The following SWAP70 variants were observed in gnomAD, a reference collection of about 807,000 sequenced individuals.
SWAP70 encodes the protein switching B cell complex subunit SWAP70, also known as switch-associated protein 70.
Under a neutral mutation model 80.2 loss-of-function variants are expected in SWAP70, and 34 were observed. The observed-to-expected ratio is 0.42, with a 90% CI of 0.32 to 0.56. The LOEUF (loss-of-function observed/expected upper bound fraction) is 0.56. Among genes scored for constraint, SWAP70 ranks in the 20% least tolerant of loss-of-function variants. SWAP70 has a pLI of 0.09. For synonymous variants in SWAP70, 239 were observed against 238.5 expected (o/e 1.00, Z -0.02); for missense variants, 578 against 690.7 (o/e 0.84, Z 1.83).
intron 3 of SWAP70, among the ~76,000 whole-genome samples, chr11:9,722,052 A>G (rs1489494652): frequency 6.6e-6 from 1 of 152,218 alleles, no homozygotes; most frequent in African/African-American, 2.4e-5. Context: ...TGTTTCATAA[A>G]TGCTTTCTTT....
chr11:9,679,650 A>G (rs1295771227), intron 1 of SWAP70, among the ~76,000 whole-genome samples: 1 of 151,918 alleles, frequency 6.6e-6, no homozygotes, highest in African/African-American at 2.4e-5. Flanking sequence ...TTTGCTTTTT[A>G]TTTTTTATAT....
chr11:9,685,087 G>A (rs1850614719), intron 1 of SWAP70, among the ~76,000 whole-genome samples: 3 of 151,916 alleles, frequency 2.0e-5, no homozygotes, highest in Admixed American at 2.0e-4. Flanking sequence ...TCCCAAATTG[G>A]GGGACTTTGT....
chr11:9,675,400 A>AGAGAGGGGGGGG (rs1850483496), intron 1 of SWAP70, among the ~76,000 whole-genome samples: 1 of 105,030 alleles, frequency 9.5e-6, no homozygotes, highest in Non-Finnish European at 1.9e-5. Context: ...AGAGAGAGAG[A>AGAGAGGGGGGGG]GAGAGAGAGA....
At chr11:9,711,718 G>A (rs1851001173) in intron 2 of SWAP70, among the ~76,000 whole-genome samples, 2 of 152,116 alleles carry the variant, frequency 1.3e-5, no homozygotes, top group East Asian at 1.9e-4. Context: ...TGGTTCAGCC[G>A]CAGTTCTGGC....
intron 4 of SWAP70, among the ~76,000 whole-genome samples, chr11:9,727,827 G>C (rs1329926483): frequency 6.6e-6 from 1 of 152,060 alleles, no homozygotes; most frequent in Non-Finnish European, 1.5e-5. Context: ...TTTGGGGAGG[G>C]GTTGTCTCTG....
intron 2 of SWAP70, among the ~76,000 whole-genome samples, chr11:9,710,684 A>ATTT (rs753577767): frequency 6.9e-6 from 1 of 145,604 alleles, no homozygotes; most frequent in Non-Finnish European, 1.5e-5. Context: ...TTCAAAAAAA[A>ATTT]TTTTTTTTTT....
intron 1 of SWAP70, among the ~76,000 whole-genome samples, chr11:9,671,545 TATAG>T (rs1850391583): frequency 1.2e-5 from 1 of 83,586 alleles, no homozygotes; most frequent in Non-Finnish European, 2.2e-5. Flanking sequence ...TATAGAAATA[TATAG>T]AAATATATAT....
chr11:9,694,436 C>T, intron 2 of SWAP70, 150 bp downstream of exon 2: 1 of 926,398 alleles, frequency 1.1e-6, no homozygotes, highest in South Asian at 2.3e-5. Flanking sequence ...GAGAGACTGA[C>T]AGTGCTTCCT....
chr11:9,713,680 C>T lies in SWAP70; in HGVS notation c.414+41C>T, dbSNP rs77622061. The T allele has an allele frequency of 7.0e-4, 1,107 of 1,574,544 alleles. 6 individuals carry two copies. In the African/African-American group the frequency reaches 0.013, roughly 19 times the overall value. On this transcript the variant is annotated intron_variant, in intron 3 of 11. Coordinates refer to ENST00000318950, the MANE Select transcript of SWAP70 (RefSeq NM_015055.4). ...GGGAGTTTTTACTTGGTCATTTTAG[C>T]ATTTAATAGACCTGGCTTGGTATTT...
intron 1 of SWAP70, among the ~76,000 whole-genome samples, chr11:9,688,019 T>C (rs1850653362): frequency 6.6e-6 from 1 of 152,176 alleles, no homozygotes; most frequent in Admixed American, 6.5e-5. Flanking sequence ...AGCTAAGAGA[T>C]TTGAGTTCTA....
intron 2 of SWAP70, among the ~76,000 whole-genome samples, chr11:9,699,924 CTGTTATTAAAATA>C (rs1211324201): frequency 2.7e-5 from 4 of 149,850 alleles, no homozygotes; most frequent in Non-Finnish European, 5.9e-5. Flanking sequence ...AGAATTGTGT[CTGTTATTAAAATA>C]TTATAGAACA....
Position 9,725,563 on chromosome 11 carries a change from A to T in SWAP70, c.642+678A>T, listed in dbSNP as rs1159132796. Among the ~76,000 whole-genome samples, 151 of 16,808 alleles carry T rather than the reference A, an allele frequency of 9.0e-3. 3 individuals carry two copies. The highest frequency in any genetic ancestry group is 0.043 in the African/African-American group (146 of 3,382). The allele number at this position is 16,808 out of a possible 152,430, so 11.0% of individuals were successfully genotyped here. A position where few individuals can be genotyped will look rare whatever the true frequency, so the allele number is the denominator to read the frequency against. Reference sequence around the variant, plus strand: ...TATATATATATATATATATATATATATATATATTTTTTTTTTTTTTTTTTT... The same window carrying T: ...TATATATATATATATATATATATATTTATATATTTTTTTTTTTTTTTTTTT... On this transcript the variant is annotated intron_variant, in intron 4 of 11. Transcript: ENST00000318950.
intron 7 of SWAP70, among the ~76,000 whole-genome samples, chr11:9,733,618 T>G (rs1006783155): frequency 1.3e-5 from 2 of 152,242 alleles, no homozygotes; most frequent in Non-Finnish European, 2.9e-5. Context: ...ACTTACTTTC[T>G]AAAAGCAGCT....
intron 6 of SWAP70, among the ~76,000 whole-genome samples, chr11:9,731,828 A>C (rs1851302665): frequency 6.6e-6 from 1 of 152,190 alleles, no homozygotes; most frequent in Non-Finnish European, 1.5e-5. Context: ...CTAGTACTTG[A>C]GGGACAGGAG....
chr11:9,718,687 T>C (rs1203214841), intron 3 of SWAP70, among the ~76,000 whole-genome samples: 1 of 147,614 alleles, frequency 6.8e-6, no homozygotes, highest in Non-Finnish European at 1.5e-5. Flanking sequence ...TTATCAGTAG[T>C]TTTTAGGATT....
rs796336068 is a variant in SWAP70, at chr11:9,695,597, A to G, written c.240+1311A>G. 6.2e-5 allele frequency among the ~76,000 whole-genome samples: 9 copies of G among 145,010 alleles called. 1 individual carries two copies. Among genetic ancestry groups the G allele is most frequent in the African/African-American group, 2.0e-4 (8 of 39,554 alleles). On this transcript the variant is annotated intron_variant, in intron 2 of 11. Coordinates refer to ENST00000318950, the MANE Select transcript of SWAP70 (RefSeq NM_015055.4). The stretch of plus-strand genomic sequence containing the variant: ...AGAACACATGAACACAGAGGGGGGA[A>G]CAACAGACACCAGGATCTGTTGGGG...
At chr11:9,729,490 A>G in intron 6 of SWAP70, 39 bp downstream of exon 6, 1 of 1,458,050 alleles carries the variant, frequency 6.9e-7, no homozygotes, top group Non-Finnish European at 9.5e-7. Flanking sequence ...ATATAACTTG[A>G]AAGCTCTGAC....
chr11:9,671,405 TA>T (rs1489700218), intron 1 of SWAP70, among the ~76,000 whole-genome samples: 13 of 101,246 alleles, frequency 1.3e-4, no homozygotes, highest in Non-Finnish European at 2.2e-4. Context: ...TATAAATATA[TA>T]AAAATATATT....
At chr11:9,732,805 T>A in intron 7 of SWAP70, 95 bp downstream of exon 7, 1 of 1,223,036 alleles carries the variant, frequency 8.2e-7, no homozygotes, top group Non-Finnish European at 1.1e-6. Context: ...AAGATGAATG[T>A]AGTGCAGTTT....
Sources: allele counts gnomAD v4.1 joint callset (sites outside exome capture counted in the v4.1 genomes callset), GRCh38; gene constraint gnomAD v4.1.1; transcripts MANE v1.5; gene names NCBI Gene and HGNC (gene_info 2026-07-23, HGNC 2026-07-21).